The following XRCC5 variants were observed in gnomAD, a reference collection of about 807,000 sequenced individuals.
The protein encoded by XRCC5 is DNA repair protein Ku80.
In XRCC5, 12 loss-of-function variants were observed where a neutral mutation model predicts 95.7. The ratio of observed to expected loss-of-function variants is 0.13; its 90% confidence interval spans 0.08 to 0.20. The LOEUF is 0.20. XRCC5 is among the 10% of genes least tolerant of loss of function. The pLI, the probability that XRCC5 is intolerant of heterozygous loss-of-function variation, is 1.00. For synonymous variants in XRCC5, 281 were observed against 290.3 expected, an observed-to-expected ratio of 0.97 and a Z score of 0.33; for missense variants, 595 against 873.9, an observed-to-expected ratio of 0.68 and a Z score of 4.02.
intron 16 of XRCC5, among the ~76,000 whole-genome samples, chr2:216,177,864 A>G (rs1229319929): frequency 6.6e-6 from 1 of 152,182 alleles, no homozygotes; most frequent in Non-Finnish European, 1.5e-5. Flanking sequence ...TCTGAGGTGG[A>G]TTGTAATGAA....
chr2:216,150,930 T>A (rs1030261174), intron 14 of XRCC5, among the ~76,000 whole-genome samples: 3 of 152,148 alleles, frequency 2.0e-5, no homozygotes, highest in Admixed American at 2.0e-4. Flanking sequence ...TGCTTTGCGC[T>A]ATGATGTCAT....
intron 10 of XRCC5, among the ~76,000 whole-genome samples, chr2:216,133,839 G>A (rs879599629): frequency 1.3e-5 from 2 of 152,136 alleles, no homozygotes; most frequent in Admixed American, 1.3e-4. Flanking sequence ...TGTCATATGA[G>A]GACTTCCAGT....
At chr2:216,172,195 C>T (rs1422053323) in intron 16 of XRCC5, among the ~76,000 whole-genome samples, 1 of 152,160 alleles carries the variant, frequency 6.6e-6, no homozygotes, top group Non-Finnish European at 1.5e-5. Flanking sequence ...GTGGAACATT[C>T]TATAGATACC....
intron 16 of XRCC5, among the ~76,000 whole-genome samples, chr2:216,181,335 C>T (rs1168802727): frequency 6.6e-6 from 1 of 152,110 alleles, no homozygotes; most frequent in Non-Finnish European, 1.5e-5. Flanking sequence ...GATTTAAGTT[C>T]TTATAGCACA....
chr2:216,155,709 TC>T lies in XRCC5; in HGVS notation c.1671-4358del, dbSNP rs1337594402. Among the ~76,000 whole-genome samples the T allele has an allele frequency of 1.1e-4, 16 of 152,194 alleles. 1 individual carries two copies. The highest frequency in any genetic ancestry group is 3.6e-4 in the African/African-American group (15 of 41,522). On this transcript the variant is annotated intron_variant, in intron 14 of 20. Coordinates refer to ENST00000392132, the MANE Select transcript of XRCC5 (RefSeq NM_021141.4). ...AGGAAAATTAAGAAAAAGAATAAGA[TC>T]TATAATAGCCTATATCATCTTGTAC... is the stretch of plus-strand genomic sequence containing the variant.
At chr2:216,192,610 G>GCCTCCTCTACCCCAACTTGCTA in intron 17 of XRCC5, 29 bp from the exon 18 acceptor site, 1 of 1,531,768 alleles carries the variant, frequency 6.5e-7, no homozygotes, top group Non-Finnish European at 8.8e-7. Context: ...CTGACTTGCT[G>GCCTCCTCTACCCCAACTTGCTA]CCTCCTCTAC....
intron 2 of XRCC5, among the ~76,000 whole-genome samples, chr2:216,115,110 C>T (rs994895255): frequency 7.9e-5 from 12 of 152,180 alleles, no homozygotes; most frequent in South Asian, 2.1e-4. Context: ...CTCCAGTAAA[C>T]TCTCACTTTG....
intron 16 of XRCC5, among the ~76,000 whole-genome samples, chr2:216,163,438 T>A (rs1688990662): frequency 6.6e-6 from 1 of 152,092 alleles, no homozygotes; most frequent in Admixed American, 6.6e-5. Context: ...TACAGTTGCA[T>A]ACCCCCACGC....
At chr2:216,189,159 C>A (rs1559261865) in intron 16 of XRCC5, among the ~76,000 whole-genome samples, 1 of 152,180 alleles carries the variant, frequency 6.6e-6, no homozygotes, top group East Asian at 1.9e-4. Flanking sequence ...TGGCCTGGGG[C>A]CTTTATTGGT....
intron 7 of XRCC5, 141 bp downstream of exon 7, chr2:216,126,172 C>G (rs1696897429): frequency 1.5e-6 from 1 of 664,076 alleles, no homozygotes; most frequent in African/African-American, 1.8e-5. Context: ...CATTTAATCT[C>G]TGTTTAGCTT....
chr2:216,154,425 A>G (rs987036413), intron 14 of XRCC5, among the ~76,000 whole-genome samples: 1 of 152,262 alleles, frequency 6.6e-6, no homozygotes. Flanking sequence ...CATGGTAAGC[A>G]TTAAAAAGAA....
chr2:216,202,014 G>A (rs1283564296), intron 19 of XRCC5, among the ~76,000 whole-genome samples: 1 of 152,156 alleles, frequency 6.6e-6, no homozygotes, highest in Non-Finnish European at 1.5e-5. Flanking sequence ...TAGGATTTTT[G>A]TTGCTGCTCA....
intron 13 of XRCC5, among the ~76,000 whole-genome samples, chr2:216,147,346 G>C (rs766674648): frequency 6.6e-6 from 1 of 152,124 alleles, no homozygotes; most frequent in East Asian, 1.9e-4. Context: ...TGATGCGATC[G>C]AGGAGGCAAG....
chr2:216,118,725 T>C (rs567577808), intron 4 of XRCC5, among the ~76,000 whole-genome samples: 33 of 152,338 alleles, frequency 2.2e-4, no homozygotes, highest in African/African-American at 7.9e-4. Flanking sequence ...AGTTAGAGTA[T>C]GCTGGGAGAA....
chr2:216,185,667 T>A (rs905314713), intron 16 of XRCC5, among the ~76,000 whole-genome samples: 2 of 149,726 alleles, frequency 1.3e-5, no homozygotes, highest in African/African-American at 5.1e-5. Context: ...AATTTGTTTT[T>A]TTCTTTTCTT....
At chr2:216,170,085 C>T (rs1689130548) in intron 16 of XRCC5, among the ~76,000 whole-genome samples, 1 of 144,888 alleles carries the variant, frequency 6.9e-6, no homozygotes, top group African/African-American at 2.5e-5. Context: ...CACTTGACCC[C>T]TTGTCGTGTC....
chr2:216,129,513 A>G (rs1390125727), intron 8 of XRCC5, among the ~76,000 whole-genome samples: 4 of 152,238 alleles, frequency 2.6e-5, no homozygotes, highest in Admixed American at 6.5e-5. Flanking sequence ...AAGTTACACA[A>G]TTCACACGAT....
chr2:216,113,360 CAA>C (rs1424262286), intron 2 of XRCC5, among the ~76,000 whole-genome samples: 1 of 152,102 alleles, frequency 6.6e-6, no homozygotes, highest in Admixed American at 6.5e-5. Flanking sequence ...TTATCGGAAA[CAA>C]GAGGCAGTAA....
At chr2:216,146,855 T>C (rs1381170974) in intron 13 of XRCC5, among the ~76,000 whole-genome samples, 2 of 152,204 alleles carry the variant, frequency 1.3e-5, no homozygotes, top group Non-Finnish European at 2.9e-5. Context: ...ACTAGAGCCC[T>C]GGAAAAGAGC....
Sources: gnomAD v4.1 joint callset for allele counts (sites outside exome capture counted in the v4.1 genomes callset) on GRCh38, gnomAD v4.1.1 for gene constraint, MANE v1.5 for transcripts, NCBI Gene and HGNC (gene_info 2026-07-23, HGNC 2026-07-21) for gene names.